Variants in MIDEAS observed in about 807,000 individuals in gnomAD.
MIDEAS encodes mitotic deacetylase associated SANT domain protein, also known as mitotic deacetylase-associated SANT domain protein.
In MIDEAS, 26 loss-of-function variants were observed where a neutral mutation model predicts 102.7. The observed-to-expected ratio is 0.25, with a 90% CI of 0.19 to 0.35. The LOEUF (loss-of-function observed/expected upper bound fraction) is 0.35. Ranked by LOEUF, MIDEAS falls within the 10% of genes least tolerant of loss-of-function variation. The pLI is 1.00. For missense variants in MIDEAS, 1,231 were observed against 1,435.6 expected, an observed-to-expected ratio of 0.86 and a Z score of 2.30; for synonymous variants, 585 against 591.0, an observed-to-expected ratio of 0.99 and a Z score of 0.15.
At chr14:73,768,123 G>C (rs936237193) in intron 1 of MIDEAS, among the ~76,000 whole-genome samples, 1 of 152,224 alleles carries the variant, frequency 6.6e-6, no homozygotes, top group Non-Finnish European at 1.5e-5. Context: ...TCACACCGCC[G>C]CACTCAGCAC....
intron 1 of MIDEAS, among the ~76,000 whole-genome samples, chr14:73,766,983 G>A (rs2053597612): frequency 2.7e-5 from 4 of 150,552 alleles, no homozygotes; most frequent in Admixed American, 1.3e-4. Flanking sequence ...AGCCTCCCAA[G>A]TAGCTGGGAT....
In MIDEAS at chr14:73,740,015, G is replaced by A; in HGVS notation, c.-7C>T. 1.4e-6 allele frequency: 2 copies of A among 1,478,322 alleles called. No homozygotes were observed. The highest frequency in any genetic ancestry group is 1.8e-6 in the Non-Finnish European group (2 of 1,111,916). 91.6% of individuals were successfully genotyped at this position (1,478,322 alleles called of 1,614,324 possible). A position where few individuals can be genotyped will look rare whatever the true frequency, so the allele number is the denominator to read the frequency against. On this transcript the variant is annotated 5_prime_UTR_variant, in exon 2 of 13. Transcript: ENST00000423556. ...GCTGGGCCTGGAGGTTCATGATGTG[G>A]CCAACTGAGCCCTGGCGGTGAGATC...
At chr14:73,719,116 C>A (rs1566580157) in intron 12 of MIDEAS, 108 bp from the exon 13 acceptor site, 4 of 1,459,814 alleles carry the variant, frequency 2.7e-6, no homozygotes, top group Non-Finnish European at 3.6e-6. Context: ...GCTGCACAGC[C>A]GCGGCCGGCC....
At chr14:73,779,403 A>AAC (rs951228887) in intron 1 of MIDEAS, among the ~76,000 whole-genome samples, 14 of 150,344 alleles carry the variant, frequency 9.3e-5, no homozygotes, top group African/African-American at 3.4e-4. Flanking sequence ...TCAAAAAAAA[A>AAC]AAAAAAAAAG....
At position 73,739,601 on chromosome 14, in the gene MIDEAS, G is replaced by A. The variant is rs552282643; in HGVS notation, c.408C>T (p.Cys136=). The change falls in exon 2 of 13, where the codon TGC becomes TGT. Residue 136 remains cysteine (C), a synonymous_variant. Coordinates refer to ENST00000423556, the MANE Select transcript of MIDEAS (RefSeq NM_001367710.1). Reference sequence around the variant, plus strand: ...TTGCACTGTAGAGGGACAGACTGTGGCAGTTCCATGTTGAATGGGGTGGAG... The same window carrying A: ...TTGCACTGTAGAGGGACAGACTGTGACAGTTCCATGTTGAATGGGGTGGAG... ...GQPPPHSTWN[C]HSLSLYSATK... is the part of the protein sequence containing the mutation. The A allele has an allele frequency of 2.5e-6, 4 of 1,614,122 alleles. No homozygotes were observed. The highest frequency in any genetic ancestry group is 1.7e-5 in the Admixed American group (1 of 60,022).
chr14:73,727,638 G>A (rs1327114430), intron 4 of MIDEAS, 114 bp from the exon 5 acceptor site: 15 of 1,013,230 alleles, frequency 1.5e-5, no homozygotes, highest in East Asian at 2.9e-5. Flanking sequence ...CAGAGCTCAC[G>A]CAGGGAACAC....
At chr14:73,776,640 G>A (rs779408437) in intron 1 of MIDEAS, among the ~76,000 whole-genome samples, 26 of 151,876 alleles carry the variant, frequency 1.7e-4, no homozygotes, top group Non-Finnish European at 2.8e-4. Context: ...AGGCTAGAAT[G>A]GGCTCCAAGC....
Position 73,715,871 on chromosome 14 carries a change from G to C in MIDEAS, c.*2972C>G, listed in dbSNP as rs1008274567. Reference sequence around the variant, plus strand: ...GGGTGGAGGCGCGGCAGAAGGGGTGGTATGTACCTTAGCTGTGAGGGGGGC... The same window carrying C: ...GGGTGGAGGCGCGGCAGAAGGGGTGCTATGTACCTTAGCTGTGAGGGGGGC... On this transcript the variant is annotated 3_prime_UTR_variant, in exon 13 of 13. Coordinates refer to ENST00000423556, the MANE Select transcript of MIDEAS (RefSeq NM_001367710.1). The C allele has an allele frequency of 1.3e-5, 2 of 152,590 alleles. No homozygotes were observed. Among genetic ancestry groups the C allele is most frequent in the South Asian group, 4.1e-4 (2 of 4,826 alleles). The allele number at this position is 152,590 out of a possible 1,614,324, so 9.5% of individuals were successfully genotyped here.
At chr14:73,760,911 A>G (rs1176302928), upstream of MIDEAS, among the ~76,000 whole-genome samples, 1 of 152,142 alleles carries the variant, frequency 6.6e-6, no homozygotes, top group Non-Finnish European at 1.5e-5. This position sits in a 1 kb window ranked among gnomAD's most constrained non-coding sequence, Gnocchi z 4.8. Flanking sequence ...CCCCTGATCA[A>G]TTCTCAGGTC....
intron 7 of MIDEAS, 111 bp downstream of exon 7, chr14:73,726,493 T>G: frequency 9.6e-7 from 1 of 1,046,116 alleles, no homozygotes; most frequent in Non-Finnish European, 1.4e-6. Context: ...AGTCAGACCC[T>G]CCTACTGGCC....
rs917071564 is a variant in MIDEAS, at chr14:73,735,200, A to G, written c.1749+1798T>C. ...AAATCTATTGTATAACATGATGACT[A>G]TCATTAGTAACAGTGTATTATACAC... On this transcript the variant is annotated intron_variant, in intron 3 of 12. Coordinates refer to ENST00000423556, the MANE Select transcript of MIDEAS (RefSeq NM_001367710.1). Among the ~76,000 whole-genome samples, 6 of 152,250 alleles carry G rather than the reference A, an allele frequency of 3.9e-5. No homozygotes were observed. The East Asian group carries it at 9.6e-4, about 24-fold the overall frequency.
chr14:73,756,852 G>T (rs902310733), intron 1 of MIDEAS, among the ~76,000 whole-genome samples: 1 of 152,144 alleles, frequency 6.6e-6, no homozygotes. Flanking sequence ...AATCACCCAC[G>T]GTGGACTGAC....
intron 1 of MIDEAS, chr14:73,755,144 G>C (rs1035298911): frequency 6.6e-6 from 1 of 152,270 alleles, no homozygotes; most frequent in Non-Finnish European, 1.5e-5. Context: ...GAAAGGCAGA[G>C]GGAACAGGGA....
intron 1 of MIDEAS, among the ~76,000 whole-genome samples, chr14:73,769,791 G>A (rs1341886656): frequency 5.9e-5 from 9 of 151,996 alleles, no homozygotes; most frequent in African/African-American, 1.4e-4. Flanking sequence ...TAGTAGAGAC[G>A]GGGTTTCACC....
chr14:73,721,221 C>G (rs1240577344), intron 11 of MIDEAS, 76 bp downstream of exon 11: 2 of 1,385,948 alleles, frequency 1.4e-6, no homozygotes, highest in African/African-American at 1.4e-5. Context: ...CAGTCCTGCT[C>G]TACCCTCCCT....
chr14:73,752,384 G>A (rs62006080), intron 1 of MIDEAS, among the ~76,000 whole-genome samples: 18,567 of 152,128 alleles, frequency 0.12, 1,983 homozygotes, highest in East Asian at 0.61. Context: ...GTAAAGCAGG[G>A]GGTGTAGCAT....
In MIDEAS at chr14:73,718,027, G is replaced by T. The variant is rs2052919246; in HGVS notation, c.*816C>A. 1 of 152,450 alleles carries T rather than the reference G, an allele frequency of 6.6e-6. No homozygotes were observed. 9.4% of individuals were successfully genotyped at this position (152,450 alleles called of 1,614,324 possible). A position where few individuals can be genotyped will look rare whatever the true frequency, so the allele number is the denominator to read the frequency against. On this transcript the variant is annotated 3_prime_UTR_variant, in exon 13 of 13. Transcript: ENST00000423556. ...GACCCAAAGGTATTCAGCCAAAAAG[G>T]TGGGAAGCAGGAAGAGCCAGGCTTG... is the stretch of plus-strand genomic sequence containing the variant.
chr14:73,722,906 G>T, intron 9 of MIDEAS, 59 bp from the exon 10 acceptor site: 1 of 1,583,444 alleles, frequency 6.3e-7, no homozygotes, highest in Non-Finnish European at 8.6e-7. Flanking sequence ...TGCCTGTGGA[G>T]AATCCAGCCT....
rs2052930481 is a variant in MIDEAS, at chr14:73,718,656, C to T, written c.*187G>A. ...TGCAAAGAGAGCTGGATCCTGGAGCCCTTAACGCTGCTCCCAGGGCCTTCA... is the reference window on the plus strand; with the variant it reads ...TGCAAAGAGAGCTGGATCCTGGAGCTCTTAACGCTGCTCCCAGGGCCTTCA... On this transcript the variant is annotated 3_prime_UTR_variant, in exon 13 of 13. Transcript: ENST00000423556. 3.8e-6 allele frequency: 2 copies of T among 526,664 alleles called. No individual in the cohort carries two copies. Among genetic ancestry groups the T allele is most frequent in the East Asian group, 3.7e-5 (1 of 27,088 alleles). 32.6% of individuals were successfully genotyped at this position (526,664 alleles called of 1,614,324 possible).
Sources: gnomAD v4.1 joint callset for allele counts (sites outside exome capture counted in the v4.1 genomes callset) on GRCh38, gnomAD v4.1.1 for gene constraint, Gnocchi (gnomAD v3.1) non-coding constraint, MANE v1.5 for transcripts, NCBI Gene and HGNC (gene_info 2026-07-23, HGNC 2026-07-21) for gene names.